MAX: variants seen among roughly 807,000 people sequenced by gnomAD.
The protein encoded by MAX is protein max.
A neutral mutation model predicts 22.3 loss-of-function variants in MAX; 3 were observed. The ratio of observed to expected loss-of-function variants is 0.13; its 90% CI spans 0.06 to 0.35. MAX has a LOEUF of 0.35. Among genes scored for constraint, MAX ranks in the 10% least tolerant of loss-of-function variants. The pLI, the probability that MAX is intolerant of heterozygous loss-of-function variation, is 1.00. For missense variants in MAX, 119 were observed against 209.4 expected, an observed-to-expected ratio of 0.57 and a Z score of 2.66; for synonymous variants, 72 against 77.7, an observed-to-expected ratio of 0.93 and a Z score of 0.39.
At chr14:65,066,543 G>A (rs1456488233) in intron 3 of MAX, among the ~76,000 whole-genome samples, 3 of 152,108 alleles carry the variant, frequency 2.0e-5, no homozygotes, top group African/African-American at 2.4e-5. Context: ...GAAATACAGC[G>A]CTTACAAAAT....
chr14:65,062,224 C>G lies in MAX; in HGVS notation c.171+31484G>C, dbSNP rs2062878165. ...CTCCTCCAAGACTGTGTTGTCTTTT[C>G]TCACCAAGAGTATTAACACTACTAA... On this transcript the variant is annotated intron_variant, in intron 3 of 3. Coordinates refer to the MAX transcript ENST00000341653. The surrounding 1 kb of genome is among the most constrained non-coding windows in gnomAD (Gnocchi z 4.3). 1 of 152,306 alleles carries G rather than the reference C, an allele frequency of 6.6e-6. No individual in the cohort carries two copies. The highest frequency in any genetic ancestry group is 2.1e-4 in the South Asian group (1 of 4,834). 9.4% of individuals were successfully genotyped at this position (152,306 alleles called of 1,614,324 possible). A position where few individuals can be genotyped will look rare whatever the true frequency, so the allele number is the denominator to read the frequency against.
In MAX at chr14:65,093,102, C is replaced by G. The variant is rs1462307192; in HGVS notation, c.171+606G>C. ...GGTGCCTAGCCCTCCAGGGAAAACA[C>G]TAGGTTCCAGAAGGGAGTGGGGAAG... On this transcript the variant is annotated intron_variant, in intron 3 of 4. Transcript: ENST00000358664. This position sits in a 1 kb window ranked among gnomAD's most constrained non-coding sequence, Gnocchi z 4.4. Among the ~76,000 whole-genome samples, 1 of 152,206 alleles carries G rather than the reference C, an allele frequency of 6.6e-6. No homozygotes were observed. The highest frequency in any genetic ancestry group is 1.5e-5 in the Non-Finnish European group (1 of 68,036).
chr14:65,057,121 G>A (rs1055364229), intron 3 of MAX, among the ~76,000 whole-genome samples: 16 of 152,272 alleles, frequency 1.1e-4, no homozygotes, highest in Admixed American at 7.8e-4. Context: ...GCACTCCTGA[G>A]GGATCCACCC....
At chr14:65,053,559 A>G (rs1255149916) in intron 3 of MAX, among the ~76,000 whole-genome samples, 16 of 150,718 alleles carry the variant, frequency 1.1e-4, no homozygotes, top group Non-Finnish European at 2.2e-4. Context: ...CTTGTCCCCC[A>G]GCCTGCATGC....
At chr14:65,080,647 C>T (rs763957535) in intron 3 of MAX, among the ~76,000 whole-genome samples, 4 of 152,318 alleles carry the variant, frequency 2.6e-5, no homozygotes, top group African/African-American at 9.6e-5. Flanking sequence ...ATCTAGCCCT[C>T]CAAAGTCTAC....
intron 3 of MAX, among the ~76,000 whole-genome samples, chr14:65,034,353 T>C (rs148676846): frequency 2.0e-5 from 3 of 152,260 alleles, no homozygotes; most frequent in African/African-American, 4.8e-5. Flanking sequence ...CATGAAGTAT[T>C]GTACTCCAAC....
rs747044435 is a variant in MAX at position 65,077,878 on chromosome 14, G to A, written c.295+35C>T. On this transcript the variant is annotated intron_variant, in intron 4 of 4. Transcript: ENST00000358664. This position sits in a 1 kb window ranked among gnomAD's most constrained non-coding sequence, Gnocchi z 6.3. Reference sequence around the variant, plus strand: ...CAAAGCCTGACCTGGCTGGAGCACAGCAGGGCCAGCTGCCCCACGAGCTCG... The same window carrying A: ...CAAAGCCTGACCTGGCTGGAGCACAACAGGGCCAGCTGCCCCACGAGCTCG... The A allele has an allele frequency of 2.5e-6, 4 of 1,614,080 alleles. No homozygotes were observed. The highest frequency in any genetic ancestry group is 3.3e-5 in the Admixed American group (2 of 60,002).
intron 3 of MAX, among the ~76,000 whole-genome samples, chr14:65,018,367 A>T (rs998666637): frequency 5.3e-5 from 8 of 152,206 alleles, no homozygotes; most frequent in African/African-American, 1.9e-4. Context: ...ATGTTAAAAT[A>T]TATGTATTTA....
chr14:65,030,868 T>C lies in MAX; in HGVS notation c.172-24584A>G, dbSNP rs1435877713. Among the ~76,000 whole-genome samples, 2 of 151,998 alleles carry C rather than the reference T, an allele frequency of 1.3e-5. 1 individual carries two copies. The highest frequency in any genetic ancestry group is 2.9e-5 in the Non-Finnish European group (2 of 68,002). Reference sequence around the variant, plus strand: ...TGTTGCCCAGGCAGGAGCGCAGTGGTGGGATCTTGGCTCACTGCAACCTCT... The same window carrying C: ...TGTTGCCCAGGCAGGAGCGCAGTGGCGGGATCTTGGCTCACTGCAACCTCT... On this transcript the variant is annotated intron_variant, in intron 3 of 3. Coordinates refer to the MAX transcript ENST00000341653. The surrounding 1 kb of genome is among the most constrained non-coding windows in gnomAD (Gnocchi z 4.5).
At chr14:65,060,838 A>T (rs1595112049) in intron 3 of MAX, among the ~76,000 whole-genome samples, 1 of 142,806 alleles carries the variant, frequency 7.0e-6, no homozygotes, top group Non-Finnish European at 1.5e-5. Flanking sequence ...GTGTCAATGC[A>T]CTCCAGCCTG....
intron 2 of MAX, among the ~76,000 whole-genome samples, chr14:65,099,205 A>G (rs1386913463): frequency 2.0e-5 from 3 of 152,192 alleles, no homozygotes; most frequent in African/African-American, 7.2e-5. Context: ...GATATACTAT[A>G]AAATTTGTTT....
Position 65,032,711 on chromosome 14 carries a change from G to A in MAX, c.172-26427C>T, listed in dbSNP as rs1318210033. 6.2e-6 allele frequency: 10 copies of A among 1,612,012 alleles called. No homozygotes were observed. The highest frequency in any genetic ancestry group is 5.9e-6 in the Non-Finnish European group (7 of 1,179,472). On this transcript the variant is annotated intron_variant, in intron 3 of 3. Transcript: ENST00000341653. This position sits in a 1 kb window ranked among gnomAD's most constrained non-coding sequence, Gnocchi z 5.0. ...TGGATAGCAAGGTGAGAGAAGCCAG[G>A]GTTTCTCCTGGCCTCTTGGAGAGCA...
At chr14:65,055,523 A>AT (rs1014896452) in intron 3 of MAX, among the ~76,000 whole-genome samples, 50 of 150,758 alleles carry the variant, frequency 3.3e-4, no homozygotes, top group Non-Finnish European at 3.7e-4. Flanking sequence ...TTAATTTTTA[A>AT]TTTTTTTTTG....
rs542834530 is a variant in MAX, at chr14:65,011,817, A to G, written c.172-5533T>C. Among the ~76,000 whole-genome samples the G allele has an allele frequency of 6.6e-6, 1 of 152,350 alleles. No homozygotes were observed. Among genetic ancestry groups the G allele is most frequent in the East Asian group, 1.9e-4 (1 of 5,188 alleles). ...TGGGAGGTGGAATTTCAGGGAGAGA[A>G]TAATAGTTGGATAACCGAGAGGCAG... On this transcript the variant is annotated intron_variant, in intron 3 of 3. Coordinates refer to the MAX transcript ENST00000341653. The surrounding 1 kb of genome is among the most constrained non-coding windows in gnomAD (Gnocchi z 4.0).
intron 3 of MAX, among the ~76,000 whole-genome samples, chr14:65,050,448 AGGCGT>A (rs2062581053): frequency 6.6e-6 from 1 of 152,128 alleles, no homozygotes; most frequent in African/African-American, 2.4e-5. Context: ...AAAATTAGCC[AGGCGT>A]GGGGGCTTGT....
rs944172230 is a variant in MAX, at chr14:65,054,469, G to A, written c.171+39239C>T. The A allele has an allele frequency of 7.1e-6, 7 of 982,308 alleles. No homozygotes were observed. The highest frequency in any genetic ancestry group is 2.2e-4 in the Middle Eastern group (1 of 4,462). The allele number at this position is 982,308 out of a possible 1,614,324, so 60.8% of individuals were successfully genotyped here. On this transcript the variant is annotated intron_variant, in intron 3 of 3. Transcript: ENST00000341653. This position sits in a 1 kb window ranked among gnomAD's most constrained non-coding sequence, Gnocchi z 4.4. Reference sequence around the variant, plus strand: ...TGCCTCCTCTAGCCACATGGAGGATGGGGGGGGACGTGTGATTGCACCAGT... The same window carrying A: ...TGCCTCCTCTAGCCACATGGAGGATAGGGGGGGACGTGTGATTGCACCAGT...
intron 3 of MAX, among the ~76,000 whole-genome samples, chr14:65,039,358 T>G (rs569648049): frequency 2.0e-5 from 3 of 152,348 alleles, no homozygotes; most frequent in Admixed American, 1.3e-4. Context: ...GGTACAGTGC[T>G]CCCTCCTCCT....
chr14:65,054,641 C>A lies in MAX; in HGVS notation c.171+39067G>T, dbSNP rs746183083. 1.9e-6 allele frequency: 3 copies of A among 1,613,656 alleles called. No individual in the cohort carries two copies. Among genetic ancestry groups the A allele is most frequent in the Non-Finnish European group, 2.5e-6 (3 of 1,179,824 alleles). ...TGTCCATAGCCCAGCACTTCGGCAG[C>A]GGAGCCATGTTGCATGATGTGGTCC... On this transcript the variant is annotated intron_variant, in intron 3 of 3. Transcript: ENST00000341653. This position sits in a 1 kb window ranked among gnomAD's most constrained non-coding sequence, Gnocchi z 4.4.
In MAX at chr14:65,054,568, C is replaced by T; in HGVS notation, c.171+39140G>A. 6.2e-7 allele frequency: 1 copy of T among 1,611,606 alleles called. No individual in the cohort carries two copies. Among genetic ancestry groups the T allele is most frequent in the Non-Finnish European group, 8.5e-7 (1 of 1,178,968 alleles). On this transcript the variant is annotated intron_variant, in intron 3 of 3. Transcript: ENST00000341653. The surrounding 1 kb of genome is among the most constrained non-coding windows in gnomAD (Gnocchi z 4.4). ...GAGCGCCTGCTCAGAGCTGCCTGTC[C>T]TTACAGGTCGCGTGATTTCTACCAC...
Sources: gnomAD v4.1 joint callset for allele counts (sites outside exome capture counted in the v4.1 genomes callset) on GRCh38, gnomAD v4.1.1 for gene constraint, Gnocchi (gnomAD v3.1) non-coding constraint, MANE v1.5 for transcripts, NCBI Gene and HGNC (gene_info 2026-07-23, HGNC 2026-07-21) for gene names.